The following RABL3 variants were observed in gnomAD, a reference collection of about 807,000 sequenced individuals.
RABL3 encodes the protein rab-like protein 3.
In RABL3, 31 loss-of-function variants were observed where a neutral mutation model predicts 31.8. The observed-to-expected ratio is 0.97, with a 90% CI of 0.73 to 1.31. The LOEUF is 1.31. Among genes scored for constraint, RABL3 ranks in the 40% most tolerant of loss-of-function variants. RABL3 has a pLI of 0.00. For missense variants in RABL3, 263 were observed against 279.6 expected, an observed-to-expected ratio of 0.94 and a Z score of 0.42; for synonymous variants, 97 against 99.9, an observed-to-expected ratio of 0.97 and a Z score of 0.18.
chr3:120,694,464 T>C (rs1224138700), intron 5 of RABL3, among the ~76,000 whole-genome samples: 1 of 152,112 alleles, frequency 6.6e-6, no homozygotes, highest in Non-Finnish European at 1.5e-5. Context: ...AGTGTATTCA[T>C]CATCAAATAA....
intron 5 of RABL3, among the ~76,000 whole-genome samples, chr3:120,695,025 T>C (rs2107575548): frequency 6.6e-6 from 1 of 151,906 alleles, no homozygotes; most frequent in Non-Finnish European, 1.5e-5. Flanking sequence ...ACTTTGATTT[T>C]TACCTGAAAT....
chr3:120,689,738 G>T lies in RABL3; in HGVS notation c.*85C>A, dbSNP rs545256819. 2 of 903,354 alleles carry T rather than the reference G, an allele frequency of 2.2e-6. No homozygotes were observed. The highest frequency in any genetic ancestry group is 3.6e-6 in the Non-Finnish European group (2 of 550,274). 56.0% of individuals were successfully genotyped at this position (903,354 alleles called of 1,614,324 possible). On this transcript the variant is annotated 3_prime_UTR_variant, in exon 8 of 8. Coordinates refer to ENST00000273375, the MANE Select transcript of RABL3 (RefSeq NM_173825.5). ...CATTTTAAGATGATTTTGTTAAAAG[G>T]CTGTGATGGTAATAATTGAACACAG...
At chr3:120,734,767 T>C (rs1057079748) in intron 1 of RABL3, among the ~76,000 whole-genome samples, 3 of 152,246 alleles carry the variant, frequency 2.0e-5, no homozygotes, top group African/African-American at 4.8e-5. Context: ...CTGTAGAATT[T>C]TGTCAAAGAC....
intron 2 of RABL3, among the ~76,000 whole-genome samples, chr3:120,718,637 C>T (rs1049802485): frequency 1.3e-5 from 2 of 152,172 alleles, no homozygotes; most frequent in Non-Finnish European, 2.9e-5. Context: ...TATCTGGGGG[C>T]AAGGCCCAAG....
chr3:120,698,641 T>A, intron 4 of RABL3, 68 bp from the exon 5 acceptor site: 1 of 1,308,268 alleles, frequency 7.6e-7, no homozygotes, highest in Non-Finnish European at 1.1e-6. Context: ...AATATTTAAG[T>A]GCAACTAAGT....
chr3:120,710,484 A>G, intron 2 of RABL3: 1 of 152,184 alleles, frequency 6.6e-6, no homozygotes, highest in East Asian at 1.9e-4. Flanking sequence ...TTCCTAGTGC[A>G]GAAGCAATTA....
chr3:120,692,331 TG>T (rs1161900737), intron 6 of RABL3, among the ~76,000 whole-genome samples: 1 of 152,112 alleles, frequency 6.6e-6, no homozygotes, highest in East Asian at 1.9e-4. Context: ...CCTGAGTAGC[TG>T]GGACTACAGG....
At chr3:120,707,301 C>G (rs1708560194) in intron 3 of RABL3, among the ~76,000 whole-genome samples, 1 of 152,054 alleles carries the variant, frequency 6.6e-6, no homozygotes, top group Admixed American at 6.6e-5. Flanking sequence ...GCCCTAATAT[C>G]CAATTGTACC....
chr3:120,685,251 C>T lies in RABL3; in HGVS notation c.*4572G>A, dbSNP rs773964466. ...GGTCTACAGAGTAATCACTCCAAAA[C>T]GGAGTTAGGCATCAGAGGACTCCAG... On this transcript the variant is annotated 3_prime_UTR_variant, in exon 8 of 8. Transcript: ENST00000273375. Among the ~76,000 whole-genome samples, 76 of 152,224 alleles carry T rather than the reference C, an allele frequency of 5.0e-4. 2 individuals carry two copies. The highest frequency in any genetic ancestry group is 3.1e-3 in the Admixed American group (48 of 15,296).
intron 2 of RABL3, among the ~76,000 whole-genome samples, chr3:120,727,044 G>A (rs1708830034): frequency 6.6e-6 from 1 of 152,032 alleles, no homozygotes; most frequent in East Asian, 1.9e-4. Flanking sequence ...TGCTTAGATA[G>A]AAATTTTAGA....
chr3:120,688,448 T>C lies in RABL3; in HGVS notation c.*1375A>G, dbSNP rs570496565. The C allele has an allele frequency of 6.6e-6, 1 of 152,630 alleles. No individual in the cohort carries two copies. The highest frequency in any genetic ancestry group is 1.9e-4 in the East Asian group (1 of 5,192). The allele number at this position is 152,630 out of a possible 1,614,324, so 9.5% of individuals were successfully genotyped here. On this transcript the variant is annotated 3_prime_UTR_variant, in exon 8 of 8. Transcript: ENST00000273375. Reference sequence around the variant, plus strand: ...TTTTCCAAATTCCCAAGACTGCCTTTCTAAAAGGACTCTCTAACATTCTTA... The same window carrying C: ...TTTTCCAAATTCCCAAGACTGCCTTCCTAAAAGGACTCTCTAACATTCTTA...
At chr3:120,703,974 C>A (rs1461789559) in intron 4 of RABL3, among the ~76,000 whole-genome samples, 1 of 152,116 alleles carries the variant, frequency 6.6e-6, no homozygotes, top group Non-Finnish European at 1.5e-5. Flanking sequence ...TTCTACCAAA[C>A]CTTCAAAGAA....
chr3:120,738,207 G>C (rs1330396304), intron 1 of RABL3, among the ~76,000 whole-genome samples: 1 of 152,192 alleles, frequency 6.6e-6, no homozygotes, highest in Admixed American at 6.5e-5. Flanking sequence ...CATCAATGGC[G>C]GGCGCCCCTC....
chr3:120,708,087 C>T (rs1442000063), intron 3 of RABL3, among the ~76,000 whole-genome samples: 2 of 151,996 alleles, frequency 1.3e-5, no homozygotes, highest in African/African-American at 4.8e-5. Context: ...TAGAGTGATC[C>T]TTATGTTCAG....
intron 2 of RABL3, among the ~76,000 whole-genome samples, chr3:120,717,369 C>T (rs1191160430): frequency 3.3e-5 from 5 of 151,868 alleles, no homozygotes; most frequent in African/African-American, 1.2e-4. Flanking sequence ...CCCATTCTTC[C>T]ACAATAACAC....
Position 120,742,453 on chromosome 3 carries a change from GC to G in RABL3, c.46+8del. On this transcript the variant is annotated splice_region_variant and intron_variant, in intron 1 of 7. Transcript: ENST00000273375. ...GTCTGGAGCCCCAGAGGTAGGGTAAGCCGCTCACCTGAGTCTCCCAACACCA... is the reference window on the plus strand; with the variant it reads ...GTCTGGAGCCCCAGAGGTAGGGTAAGCGCTCACCTGAGTCTCCCAACACCA... 1 of 1,613,930 alleles carries G rather than the reference GC, an allele frequency of 6.2e-7. No individual in the cohort carries two copies.
intron 4 of RABL3, among the ~76,000 whole-genome samples, chr3:120,700,099 C>T (rs1305215506): frequency 6.6e-6 from 1 of 152,102 alleles, no homozygotes; most frequent in Admixed American, 6.6e-5. Flanking sequence ...CTCTTTTTAG[C>T]TTTCCTTTTA....
chr3:120,728,726 A>C (rs1576345835), intron 2 of RABL3, among the ~76,000 whole-genome samples: 1 of 152,198 alleles, frequency 6.6e-6, no homozygotes, highest in East Asian at 1.9e-4. Flanking sequence ...AAAGAAAAAA[A>C]AATGACACAA....
In RABL3 at chr3:120,733,395, C is replaced by T. The variant is rs374422951; in HGVS notation, c.47-2608G>A. Among the ~76,000 whole-genome samples, 24 of 151,696 alleles carry T rather than the reference C, an allele frequency of 1.6e-4. No homozygotes were observed. The East Asian group carries it at 1.7e-3, about 11-fold the overall frequency. ...AGTGTCTGTTTATGTCCTTCGCCCA[C>T]GTGTTGATGGGGTTGTTTTTTTCTT... On this transcript the variant is annotated intron_variant, in intron 1 of 7. Transcript: ENST00000273375.
Sources: allele counts gnomAD v4.1 joint callset (sites outside exome capture counted in the v4.1 genomes callset), GRCh38; gene constraint gnomAD v4.1.1; transcripts MANE v1.5; gene names NCBI Gene and HGNC (gene_info 2026-07-23, HGNC 2026-07-21).